Variants in STARD13 observed in about 807,000 individuals in gnomAD.
STARD13 encodes StAR related lipid transfer domain containing 13, also known as stAR-related lipid transfer protein 13.
STARD13 carries 62 observed loss-of-function variants against 106.4 expected under a neutral mutation model. The observed-to-expected ratio is 0.58, with a 90% CI of 0.48 to 0.72. The LOEUF (loss-of-function observed/expected upper bound fraction) is 0.72, where lower values mean the gene tolerates loss of function less well. STARD13 is among the 30% of genes least tolerant of loss of function. STARD13 has a pLI of 0.00. For missense variants in STARD13, 1,387 were observed against 1,424.0 expected, an observed-to-expected ratio of 0.97 and a Z score of 0.42; for synonymous variants, 565 against 553.0, an observed-to-expected ratio of 1.02 and a Z score of -0.31.
the STARD13 span, among the ~76,000 whole-genome samples, chr13:33,418,220 A>G: frequency 6.6e-6 from 1 of 152,340 alleles, no homozygotes; most frequent in East Asian, 1.9e-4. Context: ...CTGGAAAAAT[A>G]GGACACTTTT....
chr13:33,605,285 G>A, the STARD13 span, among the ~76,000 whole-genome samples: 2 of 151,074 alleles, frequency 1.3e-5, no homozygotes, highest in East Asian at 3.9e-4. Context: ...TATCCAGAGT[G>A]TTGCTCAGGC....
At chr13:33,661,903 CAA>C in the STARD13 span, among the ~76,000 whole-genome samples, 18 of 122,006 alleles carry the variant, frequency 1.5e-4, no homozygotes, top group Admixed American at 3.9e-4. Context: ...GATCTCCTGG[CAA>C]AAAAAAAAAA....
chr13:33,481,942 C>T, the STARD13 span, among the ~76,000 whole-genome samples: 45 of 147,222 alleles, frequency 3.1e-4, no homozygotes, highest in South Asian at 1.3e-3. Flanking sequence ...GAGATCGCGC[C>T]ACTACACTCC....
At chr13:33,132,740 T>G (rs1432077652) in intron 4 of STARD13, among the ~76,000 whole-genome samples, 1 of 152,130 alleles carries the variant, frequency 6.6e-6, no homozygotes, top group Non-Finnish European at 1.5e-5. Flanking sequence ...GAGATCACAG[T>G]GAAAAATGAG....
At chr13:33,372,471 C>A in the STARD13 span, among the ~76,000 whole-genome samples, 5 of 151,516 alleles carry the variant, frequency 3.3e-5, no homozygotes, top group South Asian at 2.1e-4. Flanking sequence ...AAAATGACCC[C>A]AGGAAAGCAA....
exon 1 of STARD13, chr13:33,350,341 C>T: frequency 6.5e-7 from 1 of 1,534,514 alleles, no homozygotes; most frequent in Non-Finnish European, 8.7e-7. Context: ...CAGGCTCTGG[C>T]CGTGGAGTCC....
At chr13:33,214,433 G>A (rs1006076097) in intron 1 of STARD13, among the ~76,000 whole-genome samples, 4 of 152,082 alleles carry the variant, frequency 2.6e-5, no homozygotes, top group East Asian at 3.9e-4. Context: ...ATTTGCTAAC[G>A]TATTTGACTT....
chr13:33,635,669 AAAAC>A, the STARD13 span, among the ~76,000 whole-genome samples: 5 of 150,894 alleles, frequency 3.3e-5, no homozygotes, highest in Non-Finnish European at 5.9e-5. Flanking sequence ...TCTCAAAAAC[AAAAC>A]AAACAAACAA....
chr13:33,330,782 G>A (rs756524808), intron 1 of STARD13, among the ~76,000 whole-genome samples: 3 of 152,098 alleles, frequency 2.0e-5, no homozygotes, highest in African/African-American at 7.2e-5. Context: ...TAAGGGCACC[G>A]AGGCTTGGAG....
intron 5 of STARD13, among the ~76,000 whole-genome samples, chr13:33,128,639 C>T (rs1877618300): frequency 6.6e-6 from 1 of 152,120 alleles, no homozygotes; most frequent in Non-Finnish European, 1.5e-5. Flanking sequence ...GATTCCCTGC[C>T]TATGGTGCCC....
chr13:33,483,157 T>C, the STARD13 span, among the ~76,000 whole-genome samples: 1 of 152,178 alleles, frequency 6.6e-6, no homozygotes, highest in African/African-American at 2.4e-5. Flanking sequence ...AACAAGAACC[T>C]ACCTAGAGAA....
chr13:33,642,464 G>A, the STARD13 span, among the ~76,000 whole-genome samples: 5 of 152,350 alleles, frequency 3.3e-5, no homozygotes, highest in Admixed American at 6.5e-5. Context: ...CTGTGGGTCT[G>A]GTCACTCAAG....
In STARD13 at chr13:33,112,650, T is replaced by C. The variant is rs546241588; in HGVS notation, c.2492+71A>G. ...TCGTATCTATCTATCCATCCATCCA[T>C]CCATCCAGTCTTATGAACTGTGGGA... On this transcript the variant is annotated intron_variant, in intron 9 of 13. Coordinates refer to ENST00000336934, the MANE Select transcript of STARD13 (RefSeq NM_178006.4). 4.9e-6 allele frequency: 6 copies of C among 1,213,238 alleles called. No homozygotes were observed. In the East Asian group the frequency reaches 1.2e-4, roughly 24 times the overall value. The allele number at this position is 1,213,238 out of a possible 1,614,324, so 75.2% of individuals were successfully genotyped here.
rs1566053134 is a variant in STARD13 at position 33,178,002 on chromosome 13, GAAGGAAGGA to G, written c.170-10389_170-10381del. Reference sequence around the variant, plus strand: ...GAAGGAAGGAAAGGAAGGAAGGAAGGAAGGAAGGAAAGGAAGGAAGGAAGGAAGGAAGGA... The same window carrying G: ...GAAGGAAGGAAAGGAAGGAAGGAAGGAAGGAAGGAAGGAAGGAAGGAAGGA... On this transcript the variant is annotated intron_variant, in intron 1 of 13. Transcript: ENST00000336934. Among the ~76,000 whole-genome samples the G allele has an allele frequency of 3.7e-4, 21 of 56,176 alleles. 6 individuals are homozygous for G. Among genetic ancestry groups the G allele is most frequent in the Admixed American group, 1.9e-3 (11 of 5,686 alleles). The allele number at this position is 56,176 out of a possible 152,430, so 36.9% of individuals were successfully genotyped here. A position where few individuals can be genotyped will look rare whatever the true frequency, so the allele number is the denominator to read the frequency against.
the STARD13 span, among the ~76,000 whole-genome samples, chr13:33,619,106 T>C: frequency 6.7e-6 from 1 of 149,418 alleles, no homozygotes; most frequent in South Asian, 2.1e-4. Flanking sequence ...CAAGCATCTC[T>C]GAAAACCGTG....
intron 1 of STARD13, chr13:33,277,930 G>C (rs954707515): frequency 1.4e-4 from 22 of 152,140 alleles, no homozygotes; most frequent in African/African-American, 4.8e-4. Flanking sequence ...TAAAGTATTT[G>C]TGGCTGGCCT....
the STARD13 span, among the ~76,000 whole-genome samples, chr13:33,669,483 G>GGAATCTTA: frequency 0.013 from 1,948 of 151,114 alleles, 37 homozygotes; most frequent in African/African-American, 0.044. Flanking sequence ...ACCTCCATCT[G>GGAATCTTA]GAATCTTACC....
intron 1 of STARD13, among the ~76,000 whole-genome samples, chr13:33,224,258 A>T (rs913590527): frequency 2.0e-5 from 3 of 152,146 alleles, no homozygotes; most frequent in Non-Finnish European, 4.4e-5. Context: ...TCTTTTCAGG[A>T]TTTCATTTCA....
intron 1 of STARD13, among the ~76,000 whole-genome samples, chr13:33,303,503 A>G (rs1371291694): frequency 6.6e-6 from 1 of 152,206 alleles, no homozygotes; most frequent in Non-Finnish European, 1.5e-5. Flanking sequence ...CATTATACAG[A>G]GAGCCTCTGA....
Sources: allele counts gnomAD v4.1 joint callset (sites outside exome capture counted in the v4.1 genomes callset), GRCh38; gene constraint gnomAD v4.1.1; transcripts MANE v1.5; gene names NCBI Gene and HGNC (gene_info 2026-07-23, HGNC 2026-07-21).